Variants in AFF1 observed in about 807,000 individuals in gnomAD.
AFF1 encodes ALF transcription elongation factor 1.
Under a neutral mutation model 121.7 loss-of-function variants are expected in AFF1, and 48 were observed. The ratio of observed to expected loss-of-function variants is 0.39; its 90% CI spans 0.31 to 0.50. AFF1 has a LOEUF of 0.50. AFF1 is among the 20% of genes least tolerant of loss of function. The pLI is 0.76. For missense variants in AFF1, 1,523 were observed against 1,511.7 expected (o/e 1.01, Z -0.12); for synonymous variants, 613 against 563.0 (o/e 1.09, Z -1.26).
At chr4:87,023,382 A>T (rs981525925) in intron 2 of AFF1, among the ~76,000 whole-genome samples, 1 of 152,166 alleles carries the variant, frequency 6.6e-6, no homozygotes, top group African/African-American at 2.4e-5. Context: ...TTAAATTATC[A>T]GAAATAGAAA....
At chr4:87,042,451 C>T (rs1730256184) in intron 2 of AFF1, among the ~76,000 whole-genome samples, 1 of 152,216 alleles carries the variant, frequency 6.6e-6, no homozygotes, top group Non-Finnish European at 1.5e-5. Context: ...TGCCCAGGAG[C>T]TTTTGTGAGT....
chr4:87,108,661 G>A (rs895459009), intron 11 of AFF1, among the ~76,000 whole-genome samples: 1 of 151,914 alleles, frequency 6.6e-6, no homozygotes, highest in Non-Finnish European at 1.5e-5. Context: ...TCAGTAGGCT[G>A]CTATTTTAAT....
chr4:87,033,145 A>C (rs1169190926), intron 2 of AFF1, among the ~76,000 whole-genome samples: 1 of 152,226 alleles, frequency 6.6e-6, no homozygotes, highest in Non-Finnish European at 1.5e-5. Context: ...TGTCTCAAAA[A>C]ACAAAACAAG....
chr4:87,056,994 T>G (rs1273257304), intron 4 of AFF1, among the ~76,000 whole-genome samples: 1 of 152,262 alleles, frequency 6.6e-6, no homozygotes, highest in Non-Finnish European at 1.5e-5. Context: ...CCAGTGGATC[T>G]GAAATCCAGA....
At position 87,115,156 on chromosome 4, in the gene AFF1, G is replaced by T. The variant is rs199871875; in HGVS notation, c.2323G>T (p.Asp775Tyr). ...AAGCTTGATGGTGAAGATCACCCTA[G>T]ACCTGCTCTCTCGGATACCCCAGCC... The part of the protein sequence containing the change: ...PQSLMVKITL[D>Y]LLSRIPQPPG... Residue 775 changes from aspartate (D) to tyrosine (Y), a missense_variant, in exon 12 of 21, where the codon GAC (aspartate) becomes TAC (tyrosine). Around this residue, in one of 5 missense-constraint regions of AFF1, gnomAD observed 905 missense variants for 842.5 expected, o/e 1.07. Coordinates refer to ENST00000395146, the MANE Select transcript of AFF1 (RefSeq NM_001166693.3). 1.1e-4 allele frequency: 173 copies of T among 1,614,058 alleles called. No individual in the cohort carries two copies. Among genetic ancestry groups the T allele is most frequent in the Non-Finnish European group, 4.8e-5 (57 of 1,180,042 alleles).
intron 10 of AFF1, 98 bp downstream of exon 10, chr4:87,105,943 A>T (rs1725870799): frequency 6.9e-7 from 1 of 1,449,418 alleles, no homozygotes. Context: ...ATTTTTTGTC[A>T]TGGGAAGGAG....
chr4:87,012,461 C>G (rs1726875262), intron 2 of AFF1, among the ~76,000 whole-genome samples: 1 of 152,052 alleles, frequency 6.6e-6, no homozygotes, highest in African/African-American at 2.4e-5. Flanking sequence ...AGTATAATCT[C>G]TTTGTTGTGG....
chr4:87,135,490 C>T (rs765039034), intron 20 of AFF1, 90 bp from the exon 21 acceptor site: 9 of 1,350,026 alleles, frequency 6.7e-6, no homozygotes, highest in Non-Finnish European at 8.9e-6. Context: ...GGGGACCTAC[C>T]TTCTGGAACC....
intron 4 of AFF1, among the ~76,000 whole-genome samples, chr4:87,054,532 G>A (rs2149634670): frequency 6.6e-6 from 1 of 152,332 alleles, no homozygotes; most frequent in Non-Finnish European, 1.5e-5. Flanking sequence ...TTCTAAAAAT[G>A]TTTTATTATG....
chr4:87,140,034 G>A lies in AFF1; in HGVS notation c.*4333G>A, dbSNP rs2149814538. ...ATCAGCAGGCACTGTACTGGGTAGA[G>A]AAGTGCCTATACTTCTCTACCTAAG... On this transcript the variant is annotated 3_prime_UTR_variant, in exon 21 of 21. Coordinates refer to ENST00000395146, the MANE Select transcript of AFF1 (RefSeq NM_001166693.3). 1 of 204,598 alleles carries A rather than the reference G, an allele frequency of 4.9e-6. No homozygotes were observed. Among genetic ancestry groups the A allele is most frequent in the East Asian group, 7.4e-5 (1 of 13,576 alleles). 12.7% of individuals were successfully genotyped at this position (204,598 alleles called of 1,614,324 possible).
chr4:87,077,237 C>A (rs920888942), intron 4 of AFF1, among the ~76,000 whole-genome samples: 2 of 152,164 alleles, frequency 1.3e-5, no homozygotes, highest in African/African-American at 2.4e-5. Flanking sequence ...GCCTTCAGAG[C>A]AAGTCCTGTG....
At chr4:87,036,817 T>TC (rs756105952) in intron 2 of AFF1, 10 of 513,144 alleles carry the variant, frequency 1.9e-5, no homozygotes, top group Non-Finnish European at 3.5e-5. Context: ...CTGCTTTTTT[T>TC]CTCTCTCTCC....
chr4:87,043,505 G>A (rs970280664), intron 2 of AFF1, among the ~76,000 whole-genome samples: 3 of 152,178 alleles, frequency 2.0e-5, no homozygotes, highest in African/African-American at 7.2e-5. Context: ...TATGCTAATG[G>A]CATATGATCT....
chr4:87,029,374 C>T (rs747563585), intron 2 of AFF1, among the ~76,000 whole-genome samples: 2 of 152,204 alleles, frequency 1.3e-5, no homozygotes, highest in Admixed American at 6.5e-5. Flanking sequence ...GTTATGAAGA[C>T]TGTCAACCTG....
chr4:87,115,442 C>A, intron 12 of AFF1, 143 bp downstream of exon 12: 1 of 871,302 alleles, frequency 1.1e-6, no homozygotes, highest in Non-Finnish European at 1.7e-6. Flanking sequence ...TTTGCATCTT[C>A]TTCCAGCATT....
chr4:86,959,126 A>T (rs968077140), intron 2 of AFF1, among the ~76,000 whole-genome samples: 2 of 152,338 alleles, frequency 1.3e-5, no homozygotes, highest in African/African-American at 2.4e-5. Flanking sequence ...TCTAATGTCA[A>T]TAGTGCTGAG....
chr4:87,087,964 T>G (rs1273717994), intron 5 of AFF1, among the ~76,000 whole-genome samples: 2 of 152,252 alleles, frequency 1.3e-5, no homozygotes, highest in African/African-American at 4.8e-5. Flanking sequence ...GTATTGAAAT[T>G]CTTTTAAAAC....
chr4:87,124,534 T>C (rs141921108), intron 12 of AFF1, among the ~76,000 whole-genome samples: 73 of 152,328 alleles, frequency 4.8e-4, no homozygotes, highest in African/African-American at 1.6e-3. Flanking sequence ...ATTGTACTTA[T>C]TTTTCAGTAG....
At chr4:87,012,205 T>C (rs1726833647) in intron 2 of AFF1, among the ~76,000 whole-genome samples, 1 of 143,620 alleles carries the variant, frequency 7.0e-6, no homozygotes, top group African/African-American at 2.5e-5. Context: ...AGCAAACTTC[T>C]CCATTTCATT....
Sources: allele counts gnomAD v4.1 joint callset (sites outside exome capture counted in the v4.1 genomes callset), GRCh38; gene constraint gnomAD v4.1.1; regional missense constraint gnomAD v4.1.1; transcripts MANE v1.5; gene names NCBI Gene and HGNC (gene_info 2026-07-23, HGNC 2026-07-21).